The following ACAP2 variants were observed in gnomAD, a reference collection of about 807,000 sequenced individuals.
The protein encoded by ACAP2 is arf-GAP with coiled-coil, ANK repeat and PH domain-containing protein 2.
Under a neutral mutation model 115.8 loss-of-function variants are expected in ACAP2, and 39 were observed. That is an observed-to-expected ratio of 0.34 (90% CI 0.26 to 0.44). The LOEUF (loss-of-function observed/expected upper bound fraction) is 0.44. ACAP2 is among the 20% of genes least tolerant of loss of function. ACAP2 has a pLI of 1.00. For synonymous variants in ACAP2, 289 were observed against 315.8 expected (o/e 0.92, Z 0.90); for missense variants, 662 against 927.6 (o/e 0.71, Z 3.72).
chr3:195,424,978 G>A (rs1441288037), intron 1 of ACAP2, among the ~76,000 whole-genome samples: 1 of 93,046 alleles, frequency 1.1e-5, no homozygotes. Context: ...AGTGAGCTGA[G>A]ATCGCGCCAC....
At chr3:195,426,013 T>TA (rs1382738449) in intron 1 of ACAP2, among the ~76,000 whole-genome samples, 3 of 152,210 alleles carry the variant, frequency 2.0e-5, no homozygotes, top group Non-Finnish European at 4.4e-5. Flanking sequence ...CCACCACTGC[T>TA]AAAAGCTTTC....
chr3:195,281,852 A>G (rs1332204464), intron 22 of ACAP2, among the ~76,000 whole-genome samples: 2 of 152,244 alleles, frequency 1.3e-5, no homozygotes, highest in Non-Finnish European at 2.9e-5. Context: ...AATATGTAAA[A>G]TATTTATTGT....
At chr3:195,383,957 A>G (rs1240702440) in intron 2 of ACAP2, among the ~76,000 whole-genome samples, 3 of 152,314 alleles carry the variant, frequency 2.0e-5, no homozygotes, top group South Asian at 4.1e-4. Flanking sequence ...AAGATGAAAA[A>G]GTTTGATAAC....
At chr3:195,322,865 C>T (rs77906459) in intron 9 of ACAP2, among the ~76,000 whole-genome samples, 3,277 of 152,230 alleles carry the variant, frequency 0.022, 115 homozygotes, top group East Asian at 0.1. Flanking sequence ...AATTTAATTA[C>T]TATTAATATC....
At chr3:195,370,837 A>T (rs7627054) in intron 4 of ACAP2, among the ~76,000 whole-genome samples, 36,328 of 151,898 alleles carry the variant, frequency 0.24, 5,081 homozygotes, top group East Asian at 0.71. Flanking sequence ...CTGTAATCCC[A>T]GCTACCTGGG....
intron 15 of ACAP2, among the ~76,000 whole-genome samples, chr3:195,300,756 C>T (rs1186115105): frequency 1.3e-5 from 2 of 152,168 alleles, no homozygotes; most frequent in Non-Finnish European, 2.9e-5. Context: ...GTGGCTCACA[C>T]CTGTAGTCCC....
At position 195,294,751 on chromosome 3, in the gene ACAP2, G is replaced by T; in HGVS notation, c.1733C>A (p.Ser578Tyr). The T allele has an allele frequency of 6.2e-7, 1 of 1,609,646 alleles. No individual in the cohort carries two copies. The highest frequency in any genetic ancestry group is 8.5e-7 in the Non-Finnish European group (1 of 1,177,166). The change falls in exon 18 of 23, where the codon TCC becomes TAC. Residue 578 changes from serine (S) to tyrosine (Y), a missense_variant. Transcript: ENST00000326793. ...ATATAAACTATTGGCTGACACCGTG[G>T]AGGGTAAAGATTCTCTTCCATCATC... ...SSDDGRESLP[S>Y]TVSANSLYEP...
At chr3:195,332,679 C>T (rs917392060) in intron 8 of ACAP2, among the ~76,000 whole-genome samples, 1 of 152,118 alleles carries the variant, frequency 6.6e-6, no homozygotes, top group Non-Finnish European at 1.5e-5. Flanking sequence ...GTCATGGGGG[C>T]GGTTTCCCCC....
In ACAP2 at chr3:195,291,711, G is replaced by A. The variant is rs748759880; in HGVS notation, c.2058C>T (p.His686=). 45 of 1,609,944 alleles carry A rather than the reference G, an allele frequency of 2.8e-5. No homozygotes were observed. In the Middle Eastern group the frequency reaches 4.9e-4, roughly 18 times the overall value. ...GPLHHATVLG[H]TGQVCLFLKR... ...TATGAAAGCACTGCAGTTACCCTGT[G>A]TGCCCTAAGACGGTGGCATGGTGCA... Residue 686 remains histidine, a synonymous_variant, in exon 20 of 23, where the codon CAC becomes CAT. Coordinates refer to ENST00000326793, the MANE Select transcript of ACAP2 (RefSeq NM_012287.6).
intron 4 of ACAP2, among the ~76,000 whole-genome samples, chr3:195,367,780 G>T (rs529420816): frequency 3.5e-4 from 52 of 148,590 alleles, no homozygotes; most frequent in Admixed American, 2.3e-3. Context: ...AGTCCTAGAA[G>T]ATGAGAGACT....
chr3:195,297,384 T>C, intron 15 of ACAP2, 103 bp from the exon 16 acceptor site: 1 of 877,206 alleles, frequency 1.1e-6, no homozygotes, highest in East Asian at 2.6e-5. Context: ...CTAATCCCCT[T>C]ACACATTCTG....
chr3:195,399,415 C>A (rs1712076000), intron 1 of ACAP2, among the ~76,000 whole-genome samples: 1 of 152,064 alleles, frequency 6.6e-6, no homozygotes, highest in Admixed American at 6.6e-5. Flanking sequence ...AACTCCTGGC[C>A]TGAAGCAATC....
intron 15 of ACAP2, among the ~76,000 whole-genome samples, chr3:195,297,525 C>G (rs1425524271): frequency 6.6e-6 from 1 of 152,140 alleles, no homozygotes; most frequent in Non-Finnish European, 1.5e-5. Context: ...CAGAGTCATT[C>G]TCTCTCTCTA....
intron 6 of ACAP2, among the ~76,000 whole-genome samples, chr3:195,341,155 T>G (rs1460278220): frequency 6.6e-6 from 1 of 152,146 alleles, no homozygotes; most frequent in African/African-American, 2.4e-5. Context: ...CCATGATATA[T>G]AGAAACACGC....
At chr3:195,361,579 A>G (rs918859644) in intron 4 of ACAP2, among the ~76,000 whole-genome samples, 32 of 152,244 alleles carry the variant, frequency 2.1e-4, no homozygotes, top group African/African-American at 7.2e-4. Context: ...CAAAAACAAA[A>G]TACCTTCAAA....
chr3:195,390,058 T>C (rs752875162), intron 2 of ACAP2, among the ~76,000 whole-genome samples: 13 of 152,134 alleles, frequency 8.5e-5, no homozygotes, highest in African/African-American at 2.4e-4. Context: ...TAGCCAGGCA[T>C]AGTGGCGTGA....
At chr3:195,284,857 G>A (rs1185277052) in intron 22 of ACAP2, among the ~76,000 whole-genome samples, 1 of 152,126 alleles carries the variant, frequency 6.6e-6, no homozygotes, top group Non-Finnish European at 1.5e-5. Context: ...AGACAGATGA[G>A]TAATTCATAT....
chr3:195,439,272 C>T (rs1389086981), intron 1 of ACAP2, among the ~76,000 whole-genome samples: 1 of 147,866 alleles, frequency 6.8e-6, no homozygotes, highest in Non-Finnish European at 1.5e-5. Context: ...GAACATAACT[C>T]ACTGCAGCCT....
At position 195,361,556 on chromosome 3, in the gene ACAP2, A is replaced by G. The variant is rs181585937; in HGVS notation, c.286-16239T>C. Among the ~76,000 whole-genome samples, 246 of 152,254 alleles carry G rather than the reference A, an allele frequency of 1.6e-3. 1 individual carries two copies. The highest frequency in any genetic ancestry group is 5.6e-3 in the African/African-American group (233 of 41,570). On this transcript the variant is annotated intron_variant, in intron 4 of 22. Coordinates refer to ENST00000326793, the MANE Select transcript of ACAP2 (RefSeq NM_012287.6). ...GTATTAAGAGGAAAGTTTATAGCTAAGAGTGCCTACATCAAAAACAAAATA... is the reference window on the plus strand; with the variant it reads ...GTATTAAGAGGAAAGTTTATAGCTAGGAGTGCCTACATCAAAAACAAAATA...
Sources: allele counts gnomAD v4.1 joint callset (sites outside exome capture counted in the v4.1 genomes callset), GRCh38; gene constraint gnomAD v4.1.1; transcripts MANE v1.5; gene names NCBI Gene and HGNC (gene_info 2026-07-23, HGNC 2026-07-21).